IL1RAPL1: variants seen among roughly 807,000 people sequenced by gnomAD.
The protein encoded by IL1RAPL1 is interleukin 1 receptor accessory protein like 1, also known as interleukin-1 receptor accessory protein-like 1.
Under a neutral mutation model 48.4 loss-of-function variants are expected in IL1RAPL1, and 3 were observed. The observed-to-expected ratio is 0.06, with a 90% CI of 0.03 to 0.16. The LOEUF is 0.16. IL1RAPL1 is among the 10% of genes least tolerant of loss of function. The probability of loss-of-function intolerance (pLI) is 1.00; values close to 1 mark genes in which losing one functional copy is unlikely to be tolerated. For missense variants in IL1RAPL1, 349 were observed against 530.6 expected (o/e 0.66, Z 3.36); for synonymous variants, 185 against 187.7 (o/e 0.99, Z 0.12).
At chrX:28,987,523 T>TAC (rs774101598) in intron 2 of IL1RAPL1, among the ~76,000 whole-genome samples, 1 of 111,043 alleles carries the variant, frequency 9.0e-6, no homozygotes, top group Admixed American at 9.6e-5. Context: ...CACACACACA[T>TAC]ACACACACAC....
intron 3 of IL1RAPL1, among the ~76,000 whole-genome samples, chrX:29,333,346 G>C (rs1932911856): frequency 9.3e-6 from 1 of 107,135 alleles, no homozygotes; most frequent in Non-Finnish European, 2.0e-5. Flanking sequence ...CTTCCCAGTA[G>C]GGGCGGCCGG....
At chrX:29,559,330 T>C (rs1922107647) in intron 5 of IL1RAPL1, among the ~76,000 whole-genome samples, 1 of 112,081 alleles carries the variant, frequency 8.9e-6, no homozygotes, top group Non-Finnish European at 1.9e-5. Context: ...AAGGCTGGCC[T>C]TGTGAAATGA....
At chrX:29,435,545 CATT>C (rs1343607981) in intron 5 of IL1RAPL1, among the ~76,000 whole-genome samples, 2 of 110,683 alleles carry the variant, frequency 1.8e-5, no homozygotes, top group Non-Finnish European at 3.8e-5. Flanking sequence ...AGTGGTACCT[CATT>C]GTGGTTTTGT....
intron 5 of IL1RAPL1, among the ~76,000 whole-genome samples, chrX:29,461,984 T>C (rs924732323): frequency 1.8e-5 from 2 of 111,788 alleles, no homozygotes; most frequent in Non-Finnish European, 3.8e-5. Context: ...AAACTGAACA[T>C]GTAAAATGGG....
rs151298598 is a variant in IL1RAPL1 at position 28,985,709 on chromosome X, G to T, written c.82+196284G>T. On this transcript the variant is annotated intron_variant, in intron 2 of 10. Transcript: ENST00000378993. The stretch of plus-strand genomic sequence containing the variant: ...GAGTCTCGCTCTGTCGCCCAGGCTG[G>T]AGTGCATTGGCGCGATCTCGGCTCA... Among the ~76,000 whole-genome samples the T allele has an allele frequency of 8.0e-3, 826 of 103,271 alleles. 12 individuals carry two copies. Among genetic ancestry groups the T allele is most frequent in the African/African-American group, 0.028 (788 of 27,695 alleles). The allele number at this position is 103,271 out of a possible 115,157, so 89.7% of individuals were successfully genotyped here.
chrX:29,481,055 A>T (rs184562181), intron 5 of IL1RAPL1, among the ~76,000 whole-genome samples: 1 of 112,387 alleles, frequency 8.9e-6, no homozygotes, highest in African/African-American at 3.2e-5. Context: ...GAATTATTAG[A>T]TGTTTAATGA....
intron 6 of IL1RAPL1, among the ~76,000 whole-genome samples, chrX:29,681,272 C>T (rs1926441356): frequency 8.9e-6 from 1 of 112,321 alleles, no homozygotes; most frequent in Non-Finnish European, 1.9e-5. Context: ...GCTCTGGATT[C>T]AGAATGGCTA....
intron 3 of IL1RAPL1, among the ~76,000 whole-genome samples, chrX:29,312,679 T>C (rs979696764): frequency 8.9e-6 from 1 of 111,794 alleles, no homozygotes; most frequent in Non-Finnish European, 1.9e-5. Context: ...TTCTTCATAC[T>C]CCAGTATACA....
intron 1 of IL1RAPL1, among the ~76,000 whole-genome samples, chrX:28,614,646 C>T (rs188631992): frequency 2.7e-5 from 3 of 111,019 alleles, no homozygotes; most frequent in Non-Finnish European, 3.8e-5. Context: ...ACCTACACGA[C>T]GATACACAGT....
chrX:29,044,517 T>C (rs969311462), intron 2 of IL1RAPL1, among the ~76,000 whole-genome samples: 8 of 111,566 alleles, frequency 7.2e-5, no homozygotes, highest in African/African-American at 2.6e-4. Context: ...AAAGATCTCA[T>C]TGCTCTGTTT....
intron 3 of IL1RAPL1, among the ~76,000 whole-genome samples, chrX:29,361,542 AACACACAC>A (rs35694893): frequency 3.2e-4 from 32 of 100,984 alleles, no homozygotes; most frequent in Admixed American, 2.8e-3. Context: ...AACTACCTTA[AACACACAC>A]ACACACACAC....
intron 2 of IL1RAPL1, among the ~76,000 whole-genome samples, chrX:28,870,354 A>AT (rs970906796): frequency 1.4e-4 from 16 of 111,468 alleles, no homozygotes; most frequent in African/African-American, 5.2e-4. Context: ...TGGAATATTT[A>AT]TTTTTTTAAC....
At chrX:29,300,847 C>T (rs1932522746) in intron 3 of IL1RAPL1, among the ~76,000 whole-genome samples, 1 of 112,026 alleles carries the variant, frequency 8.9e-6, no homozygotes, top group Non-Finnish European at 1.9e-5. Context: ...CTTGCTTAAT[C>T]TCTGAATGTT....
chrX:28,942,626 A>G (rs765707541), intron 2 of IL1RAPL1: 6 of 104,089 alleles, frequency 5.8e-5, no homozygotes, highest in East Asian at 3.0e-4. Context: ...TTGGCCACAT[A>G]TAGGAATATA....
intron 2 of IL1RAPL1, among the ~76,000 whole-genome samples, chrX:28,795,582 A>G (rs1936601504): frequency 9.0e-6 from 1 of 111,551 alleles, no homozygotes; most frequent in Non-Finnish European, 1.9e-5. Flanking sequence ...TAATAAGTAT[A>G]GTATTCCAAG....
intron 6 of IL1RAPL1, among the ~76,000 whole-genome samples, chrX:29,907,160 T>G (rs1932649538): frequency 1.8e-5 from 2 of 111,556 alleles, no homozygotes; most frequent in African/African-American, 6.5e-5. Context: ...TATTAATTTT[T>G]TAATGTCCAT....
At chrX:28,666,095 G>A (rs1029966887) in intron 1 of IL1RAPL1, among the ~76,000 whole-genome samples, 4 of 111,648 alleles carry the variant, frequency 3.6e-5, no homozygotes, top group African/African-American at 9.8e-5. Flanking sequence ...AGGATAGGTG[G>A]AGCGTTCTTA....
chrX:29,895,353 C>T (rs892800247), intron 6 of IL1RAPL1, among the ~76,000 whole-genome samples: 66 of 109,771 alleles, frequency 6.0e-4, no homozygotes, highest in Non-Finnish European at 9.9e-4. Context: ...GAGTTCAAGA[C>T]CAGCCTGGCC....
chrX:29,451,649 T>C (rs1226694400), intron 5 of IL1RAPL1, among the ~76,000 whole-genome samples: 5 of 111,734 alleles, frequency 4.5e-5, no homozygotes, highest in African/African-American at 1.6e-4. Flanking sequence ...CACATACATG[T>C]ATATGCATAT....
Sources: allele counts gnomAD v4.1 joint callset (sites outside exome capture counted in the v4.1 genomes callset), GRCh38; gene constraint gnomAD v4.1.1; transcripts MANE v1.5; gene names NCBI Gene and HGNC (gene_info 2026-07-23, HGNC 2026-07-21).